GINS2: variants seen among roughly 807,000 people sequenced by gnomAD.
GINS2 encodes the protein DNA replication complex GINS protein PSF2.
A neutral mutation model predicts 21.2 loss-of-function variants in GINS2; 23 were observed. That is an observed-to-expected ratio of 1.08 (90% CI 0.78 to 1.53). GINS2 has a LOEUF of 1.53. Among genes scored for constraint, GINS2 ranks in the 40% most tolerant of loss-of-function variants. The pLI is 0.00. For missense variants in GINS2, 323 were observed against 233.9 expected (o/e 1.38, Z -2.49); for synonymous variants, 118 against 85.6 (o/e 1.38, Z -2.09).
At chr16:85,683,336 C>T (rs1169229743) in intron 2 of GINS2, among the ~76,000 whole-genome samples, 2 of 152,090 alleles carry the variant, frequency 1.3e-5, no homozygotes, top group South Asian at 4.1e-4. Flanking sequence ...CACACCACCT[C>T]GTCCAAATGC....
chr16:85,681,238 G>T (rs527852375), intron 3 of GINS2, among the ~76,000 whole-genome samples: 1 of 152,348 alleles, frequency 6.6e-6, no homozygotes, highest in East Asian at 1.9e-4. Context: ...AATGGCTACT[G>T]CCGATTCTGT....
chr16:85,683,409 T>C (rs1046606775), intron 2 of GINS2, among the ~76,000 whole-genome samples: 3 of 152,102 alleles, frequency 2.0e-5, no homozygotes, highest in African/African-American at 4.8e-5. Flanking sequence ...CTCTAACTCC[T>C]AACTCAATAA....
At position 85,678,266 on chromosome 16, in the gene GINS2, G is replaced by C. The variant is rs747020866; in HGVS notation, c.504C>G (p.Tyr168Ter). 8.7e-6 allele frequency: 14 copies of C among 1,612,922 alleles called. No homozygotes were observed. The highest frequency in any genetic ancestry group is 8.3e-5 in the Admixed American group (5 of 59,996). ...TFLTQALNHM[Y>*]KLRTNLQPLE... is the part of the protein sequence containing the mutation. Reference sequence around the variant, plus strand: ...GAGGCTGGAGGTTCGTGCGGAGTTTGTACATGTGGTTGAGCGCTTGTGTGA... The same window carrying C: ...GAGGCTGGAGGTTCGTGCGGAGTTTCTACATGTGGTTGAGCGCTTGTGTGA... The change falls in exon 5 of 5, where the codon TAC (tyrosine) becomes TAG (stop). Residue 168 changes from tyrosine (Y) to a stop codon, truncating the protein, a stop_gained. Coordinates refer to ENST00000253462, the MANE Select transcript of GINS2 (RefSeq NM_016095.3). LOFTEE classifies it high-confidence loss of function.
chr16:85,685,820 G>A lies in GINS2; in HGVS notation c.205+1640C>T, dbSNP rs538544563. On this transcript the variant is annotated intron_variant, in intron 2 of 4. Coordinates refer to ENST00000253462, the MANE Select transcript of GINS2 (RefSeq NM_016095.3). The stretch of plus-strand genomic sequence containing the variant: ...GTCTTAAACGGACCCCAGAGTGGCT[G>A]GCTCAATGAGCTCTTGCTTCTAGGA... Among the ~76,000 whole-genome samples, 12 of 152,014 alleles carry A rather than the reference G, an allele frequency of 7.9e-5. No individual in the cohort carries two copies. In the East Asian group the frequency reaches 1.7e-3, roughly 22 times the overall value.
chr16:85,688,774 C>G (rs778622711), intron 1 of GINS2, 35 bp downstream of exon 1: 2 of 1,369,686 alleles, frequency 1.5e-6, no homozygotes, highest in African/African-American at 1.5e-5. Context: ...GCGCCCAGCC[C>G]GGCCTCCCCT....
chr16:85,678,693 C>A (rs753347888), intron 3 of GINS2, 27 bp from the exon 4 acceptor site: 1 of 1,606,854 alleles, frequency 6.2e-7, no homozygotes, highest in South Asian at 1.1e-5. Flanking sequence ...TAAAGTCAGT[C>A]GGGGAACACT....
intron 3 of GINS2, among the ~76,000 whole-genome samples, chr16:85,680,974 T>C (rs777830171): frequency 7.9e-5 from 12 of 152,182 alleles, no homozygotes; most frequent in Non-Finnish European, 1.6e-4. Context: ...AGTTCTGCCT[T>C]TCAAAGGCCC....
intron 2 of GINS2, among the ~76,000 whole-genome samples, chr16:85,681,947 T>A (rs951408896): frequency 3.9e-5 from 6 of 151,994 alleles, no homozygotes; most frequent in African/African-American, 1.5e-4. Context: ...GAGTCAAAAG[T>A]TTGATGTTTG....
At position 85,681,568 on chromosome 16, in the gene GINS2, T is replaced by G. The variant is rs1246752065; in HGVS notation, c.305+14A>C. ...AGTCTTGGGTGTGGCCTCTAAGAGG[T>G]GAGATCTACTTACTGATTTAACAGG... On this transcript the variant is annotated intron_variant, in intron 3 of 4. Transcript: ENST00000253462. 5.6e-4 allele frequency: 806 copies of G among 1,446,294 alleles called. No individual in the cohort carries two copies. Among genetic ancestry groups the G allele is most frequent in the Non-Finnish European group, 7.1e-4 (730 of 1,027,966 alleles). 89.6% of individuals were successfully genotyped at this position (1,446,294 alleles called of 1,614,324 possible). A position where few individuals can be genotyped will look rare whatever the true frequency, so the allele number is the denominator to read the frequency against.
chr16:85,678,597 T>G lies in GINS2; in HGVS notation c.375A>C (p.Ile125=), dbSNP rs367895633. The G allele has an allele frequency of 1.2e-6, 2 of 1,613,818 alleles. No homozygotes were observed. The highest frequency in any genetic ancestry group is 2.2e-5 in the East Asian group (1 of 44,878). The change falls in exon 4 of 5, where the codon ATA becomes ATC. Residue 125 remains isoleucine, a synonymous_variant. Transcript: ENST00000253462. ...TLVKDMWDTR[I]AKLRVSADSF... ...TGTCAGCAGACACTCGGAGTTTGGC[T>G]ATACGAGTGTCCCACATATCCTTGA...
chr16:85,687,511 G>C lies in GINS2; in HGVS notation c.154C>G (p.Leu52Val), dbSNP rs1330532396. 1 of 1,597,324 alleles carries C rather than the reference G, an allele frequency of 6.3e-7. No individual in the cohort carries two copies. The part of the protein sequence containing the change: ...VEVPLWLAIN[L>V]KQRQKCRLLP... ...AGGCGACATTTCTGTCTTTGTTTCA[G>C]GTTAATCGCCAGCCACAGGGGCACT... The change falls in exon 2 of 5, where the codon CTG becomes GTG. Residue 52 changes from leucine (L) to valine (V), a missense_variant. Coordinates refer to ENST00000253462, the MANE Select transcript of GINS2 (RefSeq NM_016095.3).
chr16:85,688,591 A>G (rs1026168607), intron 1 of GINS2, among the ~76,000 whole-genome samples: 4 of 152,180 alleles, frequency 2.6e-5, no homozygotes, highest in African/African-American at 9.6e-5. Flanking sequence ...AGATCAAAAA[A>G]ACCCTGTAAA....
intron 1 of GINS2, 69 bp from the exon 2 acceptor site, chr16:85,687,643 C>G: frequency 1.2e-6 from 1 of 868,896 alleles, no homozygotes; most frequent in African/African-American, 1.7e-5. Flanking sequence ...TGCGTTACTG[C>G]TATCAAATAA....
chr16:85,688,657 G>C lies in GINS2; in HGVS notation c.90+152C>G, dbSNP rs949533196. ...CAGTCTCGCTTTCCTCATCCGAGAA[G>C]CGGGAACGGCGGTGAGCGAGTCAAG... On this transcript the variant is annotated intron_variant, in intron 1 of 4. Transcript: ENST00000253462. 3.9e-5 allele frequency: 17 copies of C among 431,418 alleles called. No individual in the cohort carries two copies. In the East Asian group the frequency reaches 6.0e-4, roughly 15 times the overall value. 26.7% of individuals were successfully genotyped at this position (431,418 alleles called of 1,614,324 possible).
intron 2 of GINS2, among the ~76,000 whole-genome samples, chr16:85,686,032 C>T (rs757829673): frequency 6.6e-6 from 1 of 151,890 alleles, no homozygotes; most frequent in Non-Finnish European, 1.5e-5. Flanking sequence ...CTATAATAAG[C>T]TACTCATATC....
intron 1 of GINS2, 30 bp downstream of exon 1, chr16:85,688,779 T>C: frequency 7.1e-7 from 1 of 1,402,972 alleles, no homozygotes; most frequent in Non-Finnish European, 9.6e-7. Flanking sequence ...CAGCCCGGCC[T>C]CCCCTCCCCA....
intron 2 of GINS2, among the ~76,000 whole-genome samples, chr16:85,686,134 A>T (rs1167830760): frequency 2.6e-5 from 4 of 152,238 alleles, no homozygotes; most frequent in Non-Finnish European, 4.4e-5. Context: ...TTATTGAAGC[A>T]TAATTAATAT....
chr16:85,680,052 T>C (rs1456913522), intron 3 of GINS2, among the ~76,000 whole-genome samples: 1 of 152,192 alleles, frequency 6.6e-6, no homozygotes, highest in Non-Finnish European at 1.5e-5. Flanking sequence ...GTGAGCCCTC[T>C]CTGGCACCAC....
At chr16:85,685,522 T>C (rs2053766940) in intron 2 of GINS2, among the ~76,000 whole-genome samples, 1 of 150,706 alleles carries the variant, frequency 6.6e-6, no homozygotes, top group Non-Finnish European at 1.5e-5. Context: ...AATCAAAAAA[T>C]TAGTCAGGCA....
Sources: gnomAD v4.1 joint callset for allele counts (sites outside exome capture counted in the v4.1 genomes callset) on GRCh38, gnomAD v4.1.1 for gene constraint, MANE v1.5 for transcripts, NCBI Gene and HGNC (gene_info 2026-07-23, HGNC 2026-07-21) for gene names.